Variants in PCDHA12 observed in about 807,000 individuals in gnomAD.
PCDHA12 encodes protocadherin alpha-12.
A neutral mutation model predicts 60.0 loss-of-function variants in PCDHA12; 44 were observed. The observed-to-expected ratio is 0.73, with a 90% CI of 0.58 to 0.94. The LOEUF (loss-of-function observed/expected upper bound fraction) is 0.94, where lower values mean the gene tolerates loss of function less well. PCDHA12 is among the 40% of genes least tolerant of loss of function. The pLI is 0.00. For missense variants in PCDHA12, 1,276 were observed against 1,239.7 expected, an observed-to-expected ratio of 1.03 and a Z score of -0.44; for synonymous variants, 569 against 553.0, an observed-to-expected ratio of 1.03 and a Z score of -0.40.
At chr5:140,970,327 A>AGCATG (rs2096397524) in intron 1 of PCDHA12, among the ~76,000 whole-genome samples, 1 of 152,204 alleles carries the variant, frequency 6.6e-6, no homozygotes, top group African/African-American at 2.4e-5. Context: ...GTACTTCCAA[A>AGCATG]GCATGCATTC....
At chr5:140,917,170 G>A (rs1196393398) in intron 1 of PCDHA12, among the ~76,000 whole-genome samples, 1 of 152,184 alleles carries the variant, frequency 6.6e-6, no homozygotes, top group African/African-American at 2.4e-5. Context: ...AGGGGTGATG[G>A]TGGTGATCCC....
At chr5:140,982,230 C>G (rs943404054) in intron 2 of PCDHA12, 9 of 619,854 alleles carry the variant, frequency 1.5e-5, no homozygotes, top group Admixed American at 3.8e-5. Flanking sequence ...TAATAAAAAA[C>G]AGAATTGCCA....
At chr5:140,902,933 T>C (rs898632295) in intron 1 of PCDHA12, among the ~76,000 whole-genome samples, 56 of 152,346 alleles carry the variant, frequency 3.7e-4, no homozygotes, top group African/African-American at 1.2e-3. Flanking sequence ...GGTGTATATA[T>C]ACCACATTTT....
intron 1 of PCDHA12, chr5:140,967,255 T>G (rs202164321): frequency 2.5e-6 from 4 of 1,613,342 alleles, no homozygotes; most frequent in Non-Finnish European, 3.4e-6. Context: ...CGGTGGCGCC[T>G]GGAGCGCGCT....
chr5:140,908,492 T>G (rs1241563422), intron 1 of PCDHA12, among the ~76,000 whole-genome samples: 3 of 152,226 alleles, frequency 2.0e-5, no homozygotes, highest in African/African-American at 7.2e-5. Context: ...CAGTTCAGGT[T>G]GCTTGGTGAC....
At chr5:140,939,441 T>A (rs1471285631) in intron 1 of PCDHA12, among the ~76,000 whole-genome samples, 1 of 152,274 alleles carries the variant, frequency 6.6e-6, no homozygotes, top group East Asian at 1.9e-4. Flanking sequence ...TTTGAAGAAT[T>A]AAGAGTGAAA....
At chr5:140,954,406 G>A (rs556455987) in intron 1 of PCDHA12, among the ~76,000 whole-genome samples, 2 of 152,268 alleles carry the variant, frequency 1.3e-5, no homozygotes, top group East Asian at 3.9e-4. Flanking sequence ...CACCAACAGG[G>A]TAAAGGTGTT....
intron 1 of PCDHA12, among the ~76,000 whole-genome samples, chr5:140,943,273 A>G (rs1451221832): frequency 1.3e-5 from 2 of 150,472 alleles, no homozygotes; most frequent in East Asian, 1.9e-4. Flanking sequence ...AAAAAAAAAA[A>G]AAAAGAAAGA....
chr5:140,929,153 A>G (rs1554206749), intron 1 of PCDHA12: 1 of 1,614,164 alleles, frequency 6.2e-7, no homozygotes, highest in East Asian at 2.2e-5. Context: ...TCTCAGACTT[A>G]TCTCTATCGG....
chr5:140,946,611 A>T (rs868983636), intron 1 of PCDHA12, among the ~76,000 whole-genome samples: 1 of 86,804 alleles, frequency 1.2e-5, no homozygotes, highest in Admixed American at 1.2e-4. Context: ...GAAAATGTGA[A>T]ATATATATAT....
intron 1 of PCDHA12, among the ~76,000 whole-genome samples, chr5:140,896,658 T>C (rs2065683362): frequency 6.6e-6 from 1 of 152,154 alleles, no homozygotes; most frequent in African/African-American, 2.4e-5. Context: ...ATTACAGGCA[T>C]GAGTCACTGT....
intron 1 of PCDHA12, among the ~76,000 whole-genome samples, chr5:140,917,805 T>C (rs2153545461): frequency 6.6e-6 from 1 of 152,328 alleles, no homozygotes; most frequent in African/African-American, 2.4e-5. Flanking sequence ...AGCCTTGCAG[T>C]ATAGTTGAAG....
At chr5:140,903,824 T>A (rs1439298617) in intron 1 of PCDHA12, among the ~76,000 whole-genome samples, 3 of 152,202 alleles carry the variant, frequency 2.0e-5, no homozygotes, top group Admixed American at 2.0e-4. Context: ...CACATGAATG[T>A]CTGTTGGTAT....
At chr5:140,884,917 C>G (rs1343503909) in intron 1 of PCDHA12, among the ~76,000 whole-genome samples, 1 of 152,168 alleles carries the variant, frequency 6.6e-6, no homozygotes, top group Non-Finnish European at 1.5e-5. Flanking sequence ...CTTAATAGTT[C>G]TAAGTATTTA....
chr5:140,897,174 G>C (rs1356780883), intron 1 of PCDHA12, among the ~76,000 whole-genome samples: 1 of 151,818 alleles, frequency 6.6e-6, no homozygotes, highest in Non-Finnish European at 1.5e-5. Context: ...TATCTCCATG[G>C]GTTCAAAAAA....
chr5:140,928,288 C>T (rs541893248), intron 1 of PCDHA12: 37 of 1,614,156 alleles, frequency 2.3e-5, no homozygotes, highest in East Asian at 4.5e-5. Flanking sequence ...CTCTCTAGGC[C>T]GAGTGTTTGC....
chr5:140,896,764 G>C (rs2153454405), intron 1 of PCDHA12, among the ~76,000 whole-genome samples: 1 of 152,136 alleles, frequency 6.6e-6, no homozygotes, highest in East Asian at 1.9e-4. Context: ...GACCTTTGTT[G>C]GATGCATAGT....
At chr5:140,968,125 T>G in intron 1 of PCDHA12, 2 of 1,614,174 alleles carry the variant, frequency 1.2e-6, no homozygotes, top group South Asian at 2.2e-5. Flanking sequence ...CATCCCTGCG[T>G]ACACTGAAGG....
chr5:140,923,333 T>C lies in PCDHA12; in HGVS notation c.2367+45494T>C, dbSNP rs180734722. Among the ~76,000 whole-genome samples the C allele has an allele frequency of 8.0e-3, 1,225 of 152,228 alleles. 6 individuals are homozygous for C. The highest frequency in any genetic ancestry group is 0.019 in the African/African-American group (792 of 41,544). On this transcript the variant is annotated intron_variant, in intron 1 of 3. Coordinates refer to ENST00000398631, the MANE Select transcript of PCDHA12 (RefSeq NM_018903.4). ...CTTGGCCTAGAAGTTCAAGGACAGT[T>C]TGGGCAACATAGTGGGACCCTATCT...
Sources: gnomAD v4.1 joint callset for allele counts (sites outside exome capture counted in the v4.1 genomes callset) on GRCh38, gnomAD v4.1.1 for gene constraint, MANE v1.5 for transcripts, NCBI Gene and HGNC (gene_info 2026-07-23, HGNC 2026-07-21) for gene names.